The following HDAC9 variants were observed in gnomAD, a reference collection of about 807,000 sequenced individuals.
HDAC9 encodes MEF-2 interacting transcription repressor (MITR) protein.
A neutral mutation model predicts 139.4 loss-of-function variants in HDAC9; 41 were observed. That is an observed-to-expected ratio of 0.29 (90% CI 0.23 to 0.38). HDAC9 has a LOEUF of 0.38. Ranked by LOEUF, HDAC9 falls within the 10% of genes least tolerant of loss-of-function variation. The pLI is 1.00. For synonymous variants in HDAC9, 517 were observed against 476.2 expected (o/e 1.09, Z -1.12); for missense variants, 1,147 against 1,297.0 (o/e 0.88, Z 1.78).
In HDAC9 at chr7:18,458,781, T is replaced by A. The variant is rs1793576186; in HGVS notation, c.-41-37481T>A. On this transcript the variant is annotated intron_variant, in intron 1 of 3. Coordinates refer to the HDAC9 transcript ENST00000413509. Reference sequence around the variant, plus strand: ...AGAGCTGGAGGTGGTGGCTCTTGCTTGTCACTCCAACTCCCATGGAGGGTC... The same window carrying A: ...AGAGCTGGAGGTGGTGGCTCTTGCTAGTCACTCCAACTCCCATGGAGGGTC... 8.0e-6 allele frequency: 9 copies of A among 1,131,010 alleles called. No homozygotes were observed. The Admixed American group carries it at 1.8e-4, about 23-fold the overall frequency. 70.1% of individuals were successfully genotyped at this position (1,131,010 alleles called of 1,614,324 possible). A position where few individuals can be genotyped will look rare whatever the true frequency, so the allele number is the denominator to read the frequency against.
At chr7:18,360,715 T>C (rs942829661) in intron 1 of HDAC9, among the ~76,000 whole-genome samples, 1 of 152,218 alleles carries the variant, frequency 6.6e-6, no homozygotes, top group Non-Finnish European at 1.5e-5. Context: ...TCAAAATTAT[T>C]ATGTAGTACA....
intron 12 of HDAC9, among the ~76,000 whole-genome samples, chr7:18,689,236 GAATACATT>G (rs796507623): frequency 0.11 from 17,071 of 151,346 alleles, 1,435 homozygotes; most frequent in East Asian, 0.37. Context: ...ACTTCCAAAT[GAATACATT>G]ATTTCCCTCC....
chr7:18,910,624 C>T (rs1242025857), intron 22 of HDAC9, among the ~76,000 whole-genome samples: 1 of 151,902 alleles, frequency 6.6e-6, no homozygotes, highest in Admixed American at 6.6e-5. Context: ...CATTCCAGTT[C>T]TTACAGAAAA....
chr7:18,088,889 C>A (rs2128055690), intron 1 of HDAC9, among the ~76,000 whole-genome samples: 1 of 152,252 alleles, frequency 6.6e-6, no homozygotes, highest in Non-Finnish European at 1.5e-5. Context: ...GTAAAACTTG[C>A]TTGTAATTTA....
chr7:18,114,955 G>C (rs1183040258), intron 1 of HDAC9, among the ~76,000 whole-genome samples: 3 of 152,098 alleles, frequency 2.0e-5, no homozygotes, highest in Admixed American at 6.5e-5. Flanking sequence ...TACACTCCCA[G>C]GGAGCATAGA....
chr7:18,611,789 T>A (rs1367045282), intron 6 of HDAC9, among the ~76,000 whole-genome samples: 1 of 152,170 alleles, frequency 6.6e-6, no homozygotes, highest in Admixed American at 6.5e-5. Context: ...CAATGATGAA[T>A]AAAGTTCAAA....
At chr7:18,334,267 G>A (rs73074250) in intron 1 of HDAC9, among the ~76,000 whole-genome samples, 5 of 151,400 alleles carry the variant, frequency 3.3e-5, no homozygotes, top group Non-Finnish European at 7.4e-5. Context: ...AGGCAAAAGT[G>A]TAAGTATAAA....
chr7:18,603,165 A>T (rs376227616), intron 6 of HDAC9, among the ~76,000 whole-genome samples: 15 of 151,932 alleles, frequency 9.9e-5, no homozygotes, highest in African/African-American at 3.4e-4. Flanking sequence ...ATCTTTCTCC[A>T]TTGCTTTACT....
chr7:18,849,600 T>C (rs968845565), intron 21 of HDAC9, among the ~76,000 whole-genome samples: 3 of 152,194 alleles, frequency 2.0e-5, no homozygotes, highest in African/African-American at 4.8e-5. Context: ...AATTAGCAAC[T>C]AATGGCAGTG....
Position 18,835,919 on chromosome 7 carries a change from A to T in HDAC9, c.2606A>T (p.Glu869Val). 6.4e-7 allele frequency: 1 copy of T among 1,559,324 alleles called. No individual in the cohort carries two copies. The highest frequency in any genetic ancestry group is 1.4e-5 in the African/African-American group (1 of 73,626). The change falls in exon 21 of 26, where the codon GAA becomes GTA. Residue 869 changes from glutamate to valine, a missense_variant. Around this residue, in one of 7 missense-constraint regions of HDAC9, gnomAD observed 407 missense variants for 521.5 expected, o/e 0.78. Transcript: ENST00000686413. ...APNEVGTGLG[E>V]GYNINIAWTG... ...TCCCAGGTTGGAACAGGCCTTGGAGAAGGGTACAATATAAATATTGCCTGG... is the reference window on the plus strand; with the variant it reads ...TCCCAGGTTGGAACAGGCCTTGGAGTAGGGTACAATATAAATATTGCCTGG...
chr7:18,498,068 A>G (rs972820412), intron 2 of HDAC9, among the ~76,000 whole-genome samples: 5 of 152,168 alleles, frequency 3.3e-5, no homozygotes, highest in African/African-American at 1.2e-4. Flanking sequence ...AAGAAGCAAC[A>G]TTTAAGCAGC....
intron 22 of HDAC9, among the ~76,000 whole-genome samples, chr7:18,887,927 T>A (rs1800312130): frequency 6.6e-6 from 1 of 152,144 alleles, no homozygotes; most frequent in South Asian, 2.1e-4. Flanking sequence ...GTGGTTCTCA[T>A]GCCAACAGCT....
At chr7:18,737,826 A>G (rs10277165) in intron 13 of HDAC9, among the ~76,000 whole-genome samples, 4,885 of 151,998 alleles carry the variant, frequency 0.032, 257 homozygotes, top group African/African-American at 0.11. Flanking sequence ...TTAACCTTCT[A>G]TCTCATTCAT....
At chr7:18,738,737 C>A (rs1787163707) in intron 13 of HDAC9, among the ~76,000 whole-genome samples, 1 of 152,086 alleles carries the variant, frequency 6.6e-6, no homozygotes, top group African/African-American at 2.4e-5. Context: ...GATTATGTGT[C>A]TTGGGGTTGC....
In HDAC9 at chr7:18,375,129, A is replaced by T. The variant is rs537108167; in HGVS notation, c.-42+84614A>T. 2.0e-5 allele frequency among the ~76,000 whole-genome samples: 3 copies of T among 152,356 alleles called. No individual in the cohort carries two copies. In the East Asian group the frequency reaches 5.8e-4, roughly 29 times the overall value. ...CCTCAGGCTGGTCCTTCAGAAGGAG[A>T]TGATAGCTTCATGCATGTTACTACA... On this transcript the variant is annotated intron_variant, in intron 1 of 3. Coordinates refer to the HDAC9 transcript ENST00000413509.
At chr7:18,667,493 G>T in intron 12 of HDAC9, 2 of 984,416 alleles carry the variant, frequency 2.0e-6, no homozygotes, top group Non-Finnish European at 2.4e-6. Context: ...AAATTTACTT[G>T]TATATAATGC....
chr7:18,749,527 A>G (rs557100959), intron 14 of HDAC9, among the ~76,000 whole-genome samples: 1 of 152,354 alleles, frequency 6.6e-6, no homozygotes, highest in East Asian at 1.9e-4. Flanking sequence ...CCACATGGAA[A>G]TGAATCAATT....
chr7:18,793,582 G>A (rs1022517405), intron 17 of HDAC9, 130 bp downstream of exon 17: 2 of 686,496 alleles, frequency 2.9e-6, no homozygotes, highest in Non-Finnish European at 5.2e-6. Flanking sequence ...GGTAGAGATG[G>A]CCACTAAGGT....
chr7:18,749,019 C>G lies in HDAC9; in HGVS notation c.1924C>G (p.Pro642Ala). ...TTGTCTTAAAGGAATTGCCTATGACCCCTTGATGCTGAAACACCAGTGCGT... is the reference window on the plus strand; with the variant it reads ...TTGTCTTAAAGGAATTGCCTATGACGCCTTGATGCTGAAACACCAGTGCGT... ...PGSATGIAYD[P>A]LMLKHQCVCG... Residue 642 changes from proline to alanine, a missense_variant, in exon 14 of 26, where the codon CCC (proline) becomes GCC (alanine). Coordinates refer to ENST00000686413, the MANE Select transcript of HDAC9 (RefSeq NM_178425.4). The G allele has an allele frequency of 1.2e-6, 2 of 1,613,410 alleles. No individual in the cohort carries two copies. Among genetic ancestry groups the G allele is most frequent in the Non-Finnish European group, 1.7e-6 (2 of 1,179,634 alleles).
Sources: gnomAD v4.1 joint callset for allele counts (sites outside exome capture counted in the v4.1 genomes callset) on GRCh38, gnomAD v4.1.1 for gene constraint, gnomAD v4.1.1 regional missense constraint, MANE v1.5 for transcripts, NCBI Gene and HGNC (gene_info 2026-07-23, HGNC 2026-07-21) for gene names.